CCDC197: variants seen among roughly 807,000 people sequenced by gnomAD.
CCDC197 encodes the protein coiled-coil domain containing 197.
In CCDC197, 24 loss-of-function variants were observed where a neutral mutation model predicts 13.4. The observed-to-expected ratio is 1.80, with a 90% confidence interval of 1.30 to 2.53. The LOEUF is 2.53. Ranked by LOEUF, CCDC197 falls within the 30% of genes most tolerant of loss-of-function variation. The pLI is 0.00. For missense variants in CCDC197, 255 were observed against 148.8 expected, an observed-to-expected ratio of 1.71 and a Z score of -3.71; for synonymous variants, 99 against 55.5, an observed-to-expected ratio of 1.78 and a Z score of -3.48.
chr14:94,001,041 G>A, intron 3 of CCDC197, 104 bp from the exon 4 acceptor site: 1 of 639,760 alleles, frequency 1.6e-6, no homozygotes, highest in Middle Eastern at 4.1e-4. Flanking sequence ...TGGACTGTCT[G>A]GCACCTCTCA....
At chr14:93,995,541 C>A (rs367939312), upstream of CCDC197, among the ~76,000 whole-genome samples, 5 of 152,140 alleles carry the variant, frequency 3.3e-5, no homozygotes, top group African/African-American at 1.2e-4. Flanking sequence ...TTGGGAACAG[C>A]GCCAGGGTTT....
intron 3 of CCDC197, among the ~76,000 whole-genome samples, chr14:94,000,157 TCA>T (rs1220398767): frequency 1.3e-5 from 2 of 152,242 alleles, no homozygotes; most frequent in East Asian, 3.9e-4. Flanking sequence ...GGAAGGGGAG[TCA>T]CACATATTTA....
intron 1 of CCDC197, among the ~76,000 whole-genome samples, chr14:93,988,123 G>T (rs116877761): frequency 0.01 from 1,268 of 122,106 alleles, 24 homozygotes; most frequent in Non-Finnish European, 0.017. Context: ...TGAAGGTCAG[G>T]GAGGAAAAGT....
intron 3 of CCDC197, 49 bp downstream of exon 3, chr14:93,999,714 C>A: frequency 1.3e-6 from 1 of 778,722 alleles, no homozygotes; most frequent in Non-Finnish European, 2.4e-6. Context: ...CAGCCACCTA[C>A]TGGCTGCAGG....
chr14:93,995,009 C>T (rs1016095488), upstream of CCDC197, among the ~76,000 whole-genome samples: 1 of 152,164 alleles, frequency 6.6e-6, no homozygotes, highest in African/African-American at 2.4e-5. Context: ...CCTCTCTGGG[C>T]CTCAGCTTTG....
upstream of CCDC197, among the ~76,000 whole-genome samples, chr14:93,996,941 G>A (rs933663321): frequency 1.3e-5 from 2 of 152,230 alleles, no homozygotes; most frequent in Non-Finnish European, 2.9e-5. Context: ...CATGGGTGGG[G>A]CTGAGCCTTG....
At chr14:93,999,767 A>G (rs995696418) in intron 3 of CCDC197, 102 bp downstream of exon 3, 8 of 716,470 alleles carry the variant, frequency 1.1e-5, no homozygotes, top group Admixed American at 9.7e-5. Context: ...CGAGCTGCTC[A>G]TCTACAGAAT....
In CCDC197 at chr14:93,999,671, T is replaced by C. The variant is rs1289056669; in HGVS notation, c.187+6T>C. 1 of 780,956 alleles carries C rather than the reference T, an allele frequency of 1.3e-6. No homozygotes were observed. The highest frequency in any genetic ancestry group is 2.4e-6 in the Non-Finnish European group (1 of 418,074). 48.4% of individuals were successfully genotyped at this position (780,956 alleles called of 1,614,324 possible). A position where few individuals can be genotyped will look rare whatever the true frequency, so the allele number is the denominator to read the frequency against. ...CCTTGAGAAAATCCCCGAGGGTATG[T>C]ACACAGCTTCCTCGGAAAGCCCTTT... On this transcript the variant is annotated splice_donor_region_variant and intron_variant, in intron 3 of 6. Transcript: ENST00000636493.
chr14:94,010,736 G>A (rs548683489), downstream of CCDC197, among the ~76,000 whole-genome samples: 2 of 152,272 alleles, frequency 1.3e-5, no homozygotes, highest in South Asian at 4.1e-4. Context: ...ACCACGTGGG[G>A]CCCCAAACAC....
chr14:93,996,130 A>G (rs1890293851), upstream of CCDC197, among the ~76,000 whole-genome samples: 1 of 150,864 alleles, frequency 6.6e-6, no homozygotes, highest in African/African-American at 2.4e-5. Flanking sequence ...AACTGGGCTG[A>G]CTCCTTCTCT....
At chr14:93,988,872 G>C (rs1890160389) in intron 1 of CCDC197, among the ~76,000 whole-genome samples, 1 of 145,412 alleles carries the variant, frequency 6.9e-6, no homozygotes, top group East Asian at 2.1e-4. Flanking sequence ...ATGGAAGGAG[G>C]AGATGGGACG....
upstream of CCDC197, among the ~76,000 whole-genome samples, chr14:93,994,760 C>A (rs564552160): frequency 6.6e-6 from 1 of 152,162 alleles, no homozygotes; most frequent in African/African-American, 2.4e-5. Context: ...TGGGAAGGGA[C>A]GAGGGTCTGG....
intron 1 of CCDC197, among the ~76,000 whole-genome samples, chr14:93,991,985 C>A (rs1312248700): frequency 6.6e-6 from 1 of 152,252 alleles, no homozygotes; most frequent in Non-Finnish European, 1.5e-5. Flanking sequence ...CCAGCTCAGA[C>A]CAGCTCATAA....
downstream of CCDC197, among the ~76,000 whole-genome samples, chr14:94,011,289 C>T (rs1321169644): frequency 6.6e-6 from 1 of 152,266 alleles, no homozygotes; most frequent in Non-Finnish European, 1.5e-5. Flanking sequence ...ATTCTGTCCC[C>T]TATCACCTGC....
At chr14:94,001,004 C>G (rs10152069) in intron 3 of CCDC197, 141 bp from the exon 4 acceptor site, 79,702 of 531,882 alleles carry the variant, frequency 0.15, 13,341 homozygotes, top group East Asian at 0.58. Context: ...CGGGACCATC[C>G]TACTGTCTGG....
At position 93,998,121 on chromosome 14, in the gene CCDC197, G is replaced by T. The variant is rs1247174658; in HGVS notation, c.-11G>T. The T allele has an allele frequency of 1.3e-6, 1 of 780,610 alleles. No individual in the cohort carries two copies. The highest frequency in any genetic ancestry group is 2.4e-6 in the Non-Finnish European group (1 of 418,120). The allele number at this position is 780,610 out of a possible 1,614,324, so 48.4% of individuals were successfully genotyped here. ...CTCCTGTCCTCCTGCATAGCTTGCG[G>T]TGGTGAGGTGATGGCAGCCATGGAC... On this transcript the variant is annotated 5_prime_UTR_variant, in exon 2 of 7. Coordinates refer to ENST00000636493, the MANE Select transcript of CCDC197 (RefSeq NM_001351596.2).
intron 1 of CCDC197, among the ~76,000 whole-genome samples, chr14:93,991,717 G>A (rs774821838): frequency 3.3e-5 from 5 of 152,160 alleles, no homozygotes; most frequent in Non-Finnish European, 7.4e-5. Context: ...CTGCGGTTGC[G>A]GTACCTGAGA....
At chr14:94,002,623 C>A (rs1319723038) in intron 4 of CCDC197, among the ~76,000 whole-genome samples, 3 of 152,104 alleles carry the variant, frequency 2.0e-5, no homozygotes, top group South Asian at 2.1e-4. Context: ...GAGGCCAAAG[C>A]GGGCAGATCA....
intron 1 of CCDC197, among the ~76,000 whole-genome samples, chr14:93,991,544 G>T (rs958840086): frequency 6.6e-6 from 1 of 152,238 alleles, no homozygotes; most frequent in African/African-American, 2.4e-5. Context: ...TCGAGCGCCT[G>T]CTGTGGGTCC....
Sources: gnomAD v4.1 joint callset for allele counts (sites outside exome capture counted in the v4.1 genomes callset) on GRCh38, gnomAD v4.1.1 for gene constraint, MANE v1.5 for transcripts, NCBI Gene and HGNC (gene_info 2026-07-23, HGNC 2026-07-21) for gene names.